VAV3: variants seen among roughly 807,000 people sequenced by gnomAD.
VAV3 encodes the protein vav guanine nucleotide exchange factor 3.
Under a neutral mutation model 131.2 loss-of-function variants are expected in VAV3, and 94 were observed. The observed-to-expected ratio is 0.72, with a 90% confidence interval of 0.61 to 0.85. The LOEUF (loss-of-function observed/expected upper bound fraction) is 0.85, where lower values mean the gene tolerates loss of function less well. VAV3 is among the 40% of genes least tolerant of loss of function. The pLI is 0.00. For synonymous variants in VAV3, 349 were observed against 342.0 expected (o/e 1.02, Z -0.22); for missense variants, 939 against 1,002.7 (o/e 0.94, Z 0.86).
intron 1 of VAV3, among the ~76,000 whole-genome samples, chr1:107,940,693 T>G (rs1355917328): frequency 6.6e-6 from 1 of 152,086 alleles, no homozygotes; most frequent in African/African-American, 2.4e-5. Flanking sequence ...GGATAAACCT[T>G]CAGGACATTA....
chr1:107,783,165 G>T (rs1030746143), intron 2 of VAV3, among the ~76,000 whole-genome samples: 1 of 152,198 alleles, frequency 6.6e-6, no homozygotes, highest in Non-Finnish European at 1.5e-5. Flanking sequence ...TAGACAAAGG[G>T]TTCTGCAAAT....
At chr1:107,697,235 G>A (rs909460658) in intron 17 of VAV3, among the ~76,000 whole-genome samples, 1 of 152,052 alleles carries the variant, frequency 6.6e-6, no homozygotes, top group African/African-American at 2.4e-5. Flanking sequence ...CCCTTATAAG[G>A]GCTACCCAGC....
intron 1 of VAV3, among the ~76,000 whole-genome samples, chr1:107,909,656 T>G (rs1672274680): frequency 6.6e-6 from 1 of 152,186 alleles, no homozygotes; most frequent in African/African-American, 2.4e-5. Flanking sequence ...TTGCTGCATT[T>G]AACAAATTAC....
rs1474501789 is a variant in VAV3, at chr1:107,572,725, A to C, written c.*606T>G. Reference sequence around the variant, plus strand: ...ACCCTTCAGGGATAGCTCACTTATGATGCAAACCTGAGCACTGGCCTCATA... The same window carrying C: ...ACCCTTCAGGGATAGCTCACTTATGCTGCAAACCTGAGCACTGGCCTCATA... On this transcript the variant is annotated 3_prime_UTR_variant, in exon 27 of 27. Coordinates refer to ENST00000370056, the MANE Select transcript of VAV3 (RefSeq NM_006113.5). The C allele has an allele frequency of 6.5e-6, 1 of 152,678 alleles. No homozygotes were observed. Among genetic ancestry groups the C allele is most frequent in the East Asian group, 1.9e-4 (1 of 5,190 alleles). 9.5% of individuals were successfully genotyped at this position (152,678 alleles called of 1,614,324 possible).
chr1:107,752,647 T>C (rs994806903), intron 12 of VAV3, among the ~76,000 whole-genome samples: 4 of 152,190 alleles, frequency 2.6e-5, no homozygotes, highest in African/African-American at 9.6e-5. Context: ...AGCATTTGAA[T>C]AGGCATTTTT....
chr1:107,812,959 T>C (rs1378100691), intron 2 of VAV3, among the ~76,000 whole-genome samples: 1 of 151,738 alleles, frequency 6.6e-6, no homozygotes, highest in Non-Finnish European at 1.5e-5. Flanking sequence ...CCATCTCTAC[T>C]AAAAATACAA....
At chr1:107,720,822 T>C (rs1200780695) in intron 15 of VAV3, among the ~76,000 whole-genome samples, 1 of 152,202 alleles carries the variant, frequency 6.6e-6, no homozygotes, top group African/African-American at 2.4e-5. Flanking sequence ...AGGTGAGAAC[T>C]TGAGCAGGAC....
rs1030552061 is a variant in VAV3 at position 107,888,007 on chromosome 1, G to T, written c.205-12990C>A. ...GTTTTGGTTCTATCCAAAAATTTGG[G>T]GGGGGGGTTATTTTGTAAAGTATCT... is the stretch of plus-strand genomic sequence containing the variant. On this transcript the variant is annotated intron_variant, in intron 1 of 26. Coordinates refer to ENST00000370056, the MANE Select transcript of VAV3 (RefSeq NM_006113.5). Among the ~76,000 whole-genome samples, 7 of 151,884 alleles carry T rather than the reference G, an allele frequency of 4.6e-5. No homozygotes were observed. The South Asian group carries it at 1.2e-3, about 27-fold the overall frequency.
chr1:107,676,999 G>GA (rs1245220463), intron 19 of VAV3, among the ~76,000 whole-genome samples: 1 of 152,118 alleles, frequency 6.6e-6, no homozygotes, highest in Non-Finnish European at 1.5e-5. Context: ...AGAAGAAAAT[G>GA]AATGAGCCTC....
chr1:107,797,262 A>G (rs544312193), intron 2 of VAV3, among the ~76,000 whole-genome samples: 1 of 152,224 alleles, frequency 6.6e-6, no homozygotes, highest in Non-Finnish European at 1.5e-5. Flanking sequence ...CAGCTTTCTT[A>G]TAACACTAGT....
intron 2 of VAV3, among the ~76,000 whole-genome samples, chr1:107,840,045 C>T (rs1221882114): frequency 1.3e-5 from 2 of 152,130 alleles, no homozygotes; most frequent in Non-Finnish European, 2.9e-5. Flanking sequence ...AAGAAAACAT[C>T]AAGCCCAGAT....
chr1:107,732,710 AAGCTCGACCTGGGTGGAGCCCACCTC>A (rs1462149172), intron 15 of VAV3, among the ~76,000 whole-genome samples: 1 of 152,162 alleles, frequency 6.6e-6, no homozygotes, highest in Admixed American at 6.5e-5. Context: ...AGTGGCCGGG[AAGCTCGACCTGGGTGGAGCCCACCTC>A]AGCTCAACAA....
intron 1 of VAV3, among the ~76,000 whole-genome samples, chr1:107,900,380 G>A (rs571361816): frequency 6.6e-6 from 1 of 152,282 alleles, no homozygotes; most frequent in East Asian, 1.9e-4. Flanking sequence ...TGGAAAATGT[G>A]CTAATAACTA....
At chr1:107,721,628 C>T (rs1346206315) in intron 15 of VAV3, among the ~76,000 whole-genome samples, 2 of 152,066 alleles carry the variant, frequency 1.3e-5, no homozygotes, top group Non-Finnish European at 2.9e-5. Context: ...TAGAAACAGG[C>T]CCAGAAGTTT....
At chr1:107,754,587 T>C (rs12566129) in intron 12 of VAV3, among the ~76,000 whole-genome samples, 41 of 152,266 alleles carry the variant, frequency 2.7e-4, no homozygotes, top group African/African-American at 9.4e-4. Context: ...TACTCCCTGA[T>C]AGAAACCTTT....
At chr1:107,908,538 T>C (rs1009709840) in intron 1 of VAV3, among the ~76,000 whole-genome samples, 1 of 152,162 alleles carries the variant, frequency 6.6e-6, no homozygotes, top group Non-Finnish European at 1.5e-5. Flanking sequence ...TATTAACATT[T>C]TCTGGCTTTT....
intron 1 of VAV3, chr1:107,897,252 C>T (rs1417371207): frequency 6.6e-6 from 1 of 150,746 alleles, no homozygotes; most frequent in Admixed American, 6.6e-5. Flanking sequence ...CATACATATG[C>T]CTACTACTAC....
At chr1:107,880,173 C>G (rs918632402) in intron 1 of VAV3, among the ~76,000 whole-genome samples, 1 of 152,064 alleles carries the variant, frequency 6.6e-6, no homozygotes, top group South Asian at 2.1e-4. Flanking sequence ...CCTTGAGAGC[C>G]CTAGGGTATC....
chr1:107,603,230 G>A (rs1652005214), intron 22 of VAV3, 67 bp from the exon 23 acceptor site: 1 of 1,150,882 alleles, frequency 8.7e-7, no homozygotes, highest in Non-Finnish European at 1.3e-6. Flanking sequence ...CTAAAAGTAA[G>A]TATCTCTCAA....
Sources: allele counts gnomAD v4.1 joint callset (sites outside exome capture counted in the v4.1 genomes callset), GRCh38; gene constraint gnomAD v4.1.1; transcripts MANE v1.5; gene names NCBI Gene and HGNC (gene_info 2026-07-23, HGNC 2026-07-21).